The following PARD3B variants were observed in gnomAD, a reference collection of about 807,000 sequenced individuals.
PARD3B encodes par-3 family cell polarity regulator beta, also known as partitioning defective 3 homolog B.
A neutral mutation model predicts 130.2 loss-of-function variants in PARD3B; 103 were observed. The observed-to-expected ratio is 0.79, with a 90% CI of 0.67 to 0.93. The LOEUF (loss-of-function observed/expected upper bound fraction) is 0.93, where lower values mean the gene tolerates loss of function less well. Among genes scored for constraint, PARD3B ranks in the 40% least tolerant of loss-of-function variants. PARD3B has a pLI of 0.00. For missense variants in PARD3B, 1,609 were observed against 1,499.2 expected, an observed-to-expected ratio of 1.07 and a Z score of -1.21; for synonymous variants, 583 against 553.2, an observed-to-expected ratio of 1.05 and a Z score of -0.76.
intron 18 of PARD3B, among the ~76,000 whole-genome samples, chr2:205,331,705 C>A (rs941237472): frequency 7.3e-6 from 1 of 136,338 alleles, no homozygotes; most frequent in African/African-American, 2.7e-5. Context: ...ATTGCTTGAA[C>A]CCAGGCAGCG....
At chr2:204,995,100 T>G (rs1694043822) in intron 3 of PARD3B, among the ~76,000 whole-genome samples, 1 of 151,970 alleles carries the variant, frequency 6.6e-6, no homozygotes, top group Non-Finnish European at 1.5e-5. Flanking sequence ...AATATTGTTA[T>G]GTGTGAATTT....
intron 15 of PARD3B, 27 bp downstream of exon 15, chr2:205,193,347 G>A (rs746717304): frequency 6.6e-7 from 1 of 1,507,668 alleles, no homozygotes; most frequent in Non-Finnish European, 9.2e-7. Flanking sequence ...TGACATCCAG[G>A]TCAGCTCTCC....
In PARD3B at chr2:204,563,834, C is replaced by T. The variant is rs533602789; in HGVS notation, c.120+17715C>T. On this transcript the variant is annotated intron_variant, in intron 1 of 22. Coordinates refer to ENST00000406610, the MANE Select transcript of PARD3B (RefSeq NM_001302769.2). ...TGTCACCCAGGCTAGAGTGCAGTGGCGCTATGTCGGCTCACTGCCAGATCC... is the reference window on the plus strand; with the variant it reads ...TGTCACCCAGGCTAGAGTGCAGTGGTGCTATGTCGGCTCACTGCCAGATCC... Among the ~76,000 whole-genome samples, 65 of 152,174 alleles carry T rather than the reference C, an allele frequency of 4.3e-4. 1 individual carries two copies. Among genetic ancestry groups the T allele is most frequent in the Non-Finnish European group, 4.0e-4 (27 of 68,002 alleles).
At chr2:205,367,994 C>T (rs1012431377) in intron 18 of PARD3B, among the ~76,000 whole-genome samples, 2 of 152,114 alleles carry the variant, frequency 1.3e-5, no homozygotes, top group Admixed American at 6.5e-5. Flanking sequence ...TATTTATTTA[C>T]GTTAGCAAAA....
intron 2 of PARD3B, among the ~76,000 whole-genome samples, chr2:204,838,741 A>C (rs971592638): frequency 2.0e-5 from 3 of 152,226 alleles, no homozygotes; most frequent in Non-Finnish European, 4.4e-5. Flanking sequence ...AGAAAAGAGA[A>C]ATATTTGAGA....
chr2:205,182,926 TAGC>T lies in PARD3B; in HGVS notation c.1925-2834_1925-2832del, dbSNP rs1298055876. Among the ~76,000 whole-genome samples, 20 of 152,206 alleles carry T rather than the reference TAGC, an allele frequency of 1.3e-4. No homozygotes were observed. The South Asian group carries it at 1.9e-3, about 14-fold the overall frequency. On this transcript the variant is annotated intron_variant, in intron 13 of 22. Coordinates refer to ENST00000406610, the MANE Select transcript of PARD3B (RefSeq NM_001302769.2). ...CTGAGACTGGGAATGACATTTATCA[TAGC>T]AGCCCACATTCCATTTGCAAGAACT...
At chr2:205,005,334 G>T (rs977459951) in intron 3 of PARD3B, among the ~76,000 whole-genome samples, 1 of 152,094 alleles carries the variant, frequency 6.6e-6, no homozygotes, top group African/African-American at 2.4e-5. Flanking sequence ...GAAGGTGGTT[G>T]GTATGAAAGA....
At chr2:204,579,375 C>A (rs1027664486) in intron 1 of PARD3B, among the ~76,000 whole-genome samples, 3 of 152,014 alleles carry the variant, frequency 2.0e-5, no homozygotes, top group Admixed American at 1.3e-4. Context: ...CCTTCTGGTT[C>A]ATTCTTGGTG....
intron 21 of PARD3B, 118 bp from the exon 22 acceptor site, chr2:205,553,206 A>G (rs879659978): frequency 2.9e-5 from 25 of 876,490 alleles, no homozygotes; most frequent in Admixed American, 2.2e-4. Flanking sequence ...TTGCTTTTCC[A>G]TGGTTGATTT....
At chr2:204,995,479 G>A (rs1274556922) in intron 3 of PARD3B, among the ~76,000 whole-genome samples, 1 of 149,376 alleles carries the variant, frequency 6.7e-6, no homozygotes, top group African/African-American at 2.5e-5. Context: ...TCCCTTTGAG[G>A]GTAACCCGAC....
At chr2:205,054,426 A>ATATATATATATATATATATATAT (rs1699473079) in intron 4 of PARD3B, among the ~76,000 whole-genome samples, 1 of 23,810 alleles carries the variant, frequency 4.2e-5, no homozygotes, top group African/African-American at 1.4e-4. Context: ...ATATATATAT[A>ATATATATATATATATATATATAT]TATATATATA....
Position 204,831,345 on chromosome 2 carries a change from A to C in PARD3B, c.223-133807A>C, listed in dbSNP as rs2043810266. Among the ~76,000 whole-genome samples the C allele has an allele frequency of 3.9e-5, 6 of 152,330 alleles. No individual in the cohort carries two copies. In the South Asian group the frequency reaches 1.2e-3, roughly 32 times the overall value. The stretch of plus-strand genomic sequence containing the variant: ...ACAATTTCTTATTACTGCATCTAAA[A>C]ATGAGGACAACATTCTTTAAATATC... On this transcript the variant is annotated intron_variant, in intron 2 of 22. Transcript: ENST00000406610.
chr2:205,493,053 C>T (rs2049781324), intron 20 of PARD3B, among the ~76,000 whole-genome samples: 1 of 152,072 alleles, frequency 6.6e-6, no homozygotes. Context: ...TATCTGTCTT[C>T]AGCTGAATAT....
intron 2 of PARD3B, among the ~76,000 whole-genome samples, chr2:204,834,698 A>T (rs1351745565): frequency 1.3e-5 from 2 of 152,196 alleles, no homozygotes; most frequent in Non-Finnish European, 2.9e-5. Context: ...TAGCTGGCAA[A>T]AGGAAAATAG....
In PARD3B at chr2:205,318,146, G is replaced by A. The variant is rs561740018; in HGVS notation, c.2630+16445G>A. Among the ~76,000 whole-genome samples, 154 of 152,192 alleles carry A rather than the reference G, an allele frequency of 1.0e-3. 1 individual carries two copies. The highest frequency in any genetic ancestry group is 3.6e-3 in the African/African-American group (148 of 41,536). On this transcript the variant is annotated intron_variant, in intron 18 of 22. Transcript: ENST00000406610. Reference sequence around the variant, plus strand: ...TGGTATGAGGTTCCTCCCATTGATAGGTTTCTTCTCCCCCAGGGACTGTAA... The same window carrying A: ...TGGTATGAGGTTCCTCCCATTGATAAGTTTCTTCTCCCCCAGGGACTGTAA...
intron 2 of PARD3B, among the ~76,000 whole-genome samples, chr2:204,888,358 GAA>G (rs1559230795): frequency 2.7e-5 from 4 of 149,660 alleles, no homozygotes; most frequent in African/African-American, 9.9e-5. Flanking sequence ...AAACAGAGGA[GAA>G]AGGGAGAGAG....
At chr2:205,360,183 G>A (rs11676519) in intron 18 of PARD3B, among the ~76,000 whole-genome samples, 90,485 of 151,654 alleles carry the variant, frequency 0.6, 30,382 homozygotes, top group South Asian at 0.77. Context: ...TTATATGGTT[G>A]TTAATTCTTA....
At chr2:204,819,126 A>C (rs1174151733) in intron 2 of PARD3B, among the ~76,000 whole-genome samples, 2 of 152,178 alleles carry the variant, frequency 1.3e-5, no homozygotes, top group East Asian at 3.9e-4. Flanking sequence ...ACATACAGAA[A>C]TTCTTCATTT....
At chr2:205,272,916 G>C (rs1194580224) in intron 16 of PARD3B, among the ~76,000 whole-genome samples, 1 of 152,088 alleles carries the variant, frequency 6.6e-6, no homozygotes, top group Non-Finnish European at 1.5e-5. Flanking sequence ...TCCAAAGTCA[G>C]GATTTTGTTA....
Sources: gnomAD v4.1 joint callset for allele counts (sites outside exome capture counted in the v4.1 genomes callset) on GRCh38, gnomAD v4.1.1 for gene constraint, MANE v1.5 for transcripts, NCBI Gene and HGNC (gene_info 2026-07-23, HGNC 2026-07-21) for gene names.